Variants in WDHD1 observed in about 807,000 individuals in gnomAD.
WDHD1 encodes WD repeat and HMG-box DNA binding protein 1, also known as WD repeat and HMG-box DNA-binding protein 1.
WDHD1 carries 111 observed loss-of-function variants against 135.4 expected under a neutral mutation model. The observed-to-expected ratio is 0.82, with a 90% confidence interval of 0.70 to 0.96. The LOEUF is 0.96. Ranked by LOEUF, WDHD1 falls within the 40% of genes least tolerant of loss-of-function variation. WDHD1 has a pLI of 0.00. For synonymous variants in WDHD1, 434 were observed against 439.0 expected (o/e 0.99, Z 0.14); for missense variants, 1,351 against 1,336.3 (o/e 1.01, Z -0.17).
chr14:54,950,470 C>G (rs931544957), intron 24 of WDHD1, among the ~76,000 whole-genome samples: 6 of 152,014 alleles, frequency 3.9e-5, no homozygotes, highest in African/African-American at 1.5e-4. Context: ...ATATATGCAC[C>G]CAATACAGGA....
chr14:54,955,757 C>A, intron 23 of WDHD1, 63 bp from the exon 24 acceptor site: 1 of 1,291,782 alleles, frequency 7.7e-7, no homozygotes, highest in Non-Finnish European at 1.0e-6. Flanking sequence ...TTTATAAGCA[C>A]GTTCTGAAAA....
intron 16 of WDHD1, among the ~76,000 whole-genome samples, chr14:54,974,083 G>A (rs1171920722): frequency 6.7e-6 from 1 of 149,976 alleles, no homozygotes; most frequent in Non-Finnish European, 1.5e-5. Flanking sequence ...CCACCTGGAA[G>A]AGGAATTTAA....
chr14:54,968,438 G>C (rs1190105057), intron 16 of WDHD1, among the ~76,000 whole-genome samples: 1 of 151,146 alleles, frequency 6.6e-6, no homozygotes, highest in Non-Finnish European at 1.5e-5. Context: ...ATCTAACATT[G>C]CATCTAGGGA....
intron 16 of WDHD1, among the ~76,000 whole-genome samples, chr14:54,967,604 A>T (rs1009789472): frequency 6.6e-6 from 1 of 152,080 alleles, no homozygotes; most frequent in African/African-American, 2.4e-5. Context: ...GAATAGAAAA[A>T]TTCCTTCTCA....
At chr14:54,976,000 GA>G (rs2041518803) in intron 16 of WDHD1, among the ~76,000 whole-genome samples, 1 of 152,132 alleles carries the variant, frequency 6.6e-6, no homozygotes, top group Admixed American at 6.5e-5. Context: ...GAAATTCTGT[GA>G]AATGGGTACA....
Position 54,943,225 on chromosome 14 carries a change from C to G in WDHD1, c.3189+1107G>C, listed in dbSNP as rs114849309. Among the ~76,000 whole-genome samples, 1,249 of 152,222 alleles carry G rather than the reference C, an allele frequency of 8.2e-3. 18 individuals are homozygous for G. Among genetic ancestry groups the G allele is most frequent in the African/African-American group, 0.029 (1,199 of 41,526 alleles). ...TGGCAGAAGTTTATCAGAAGCAAGC[C>G]AGCCACCTGTCCTAATTTCCATGTG... On this transcript the variant is annotated intron_variant, in intron 25 of 25. Transcript: ENST00000360586.
rs1284928121 is a variant in WDHD1, at chr14:54,938,995, A to T, written c.*2495T>A. 6.6e-6 allele frequency: 1 copy of T among 152,138 alleles called. No individual in the cohort carries two copies. Among genetic ancestry groups the T allele is most frequent in the African/African-American group, 2.4e-5 (1 of 41,408 alleles). 9.4% of individuals were successfully genotyped at this position (152,138 alleles called of 1,614,324 possible). On this transcript the variant is annotated 3_prime_UTR_variant, in exon 26 of 26. Transcript: ENST00000360586. ...TTCTTAGGGTACATGCTGGGAACTG[A>T]GGGATGAAGTATATGCATATTCCAA...
At chr14:55,014,003 G>A (rs1180541153) in intron 2 of WDHD1, among the ~76,000 whole-genome samples, 2 of 152,120 alleles carry the variant, frequency 1.3e-5, no homozygotes, top group African/African-American at 4.8e-5. Context: ...ACATTAGCCA[G>A]TATTTTTTCT....
intron 11 of WDHD1, among the ~76,000 whole-genome samples, chr14:54,994,684 C>T (rs1165522776): frequency 6.6e-6 from 1 of 151,604 alleles, no homozygotes; most frequent in East Asian, 1.9e-4. Flanking sequence ...TCACTTGAAT[C>T]CAGGAGGCGG....
intron 14 of WDHD1, among the ~76,000 whole-genome samples, chr14:54,986,156 C>T (rs781525190): frequency 6.6e-6 from 1 of 152,078 alleles, no homozygotes; most frequent in African/African-American, 2.4e-5. Context: ...TCTCAAACTG[C>T]ATATTTTGAC....
intron 18 of WDHD1, 52 bp downstream of exon 18, chr14:54,966,423 C>A (rs2041345761): frequency 1.3e-6 from 2 of 1,551,464 alleles, no homozygotes; most frequent in South Asian, 1.2e-5. Flanking sequence ...AGAAATTCAA[C>A]CTATAGAAAA....
chr14:54,965,713 T>C (rs2041329345), intron 18 of WDHD1, among the ~76,000 whole-genome samples: 1 of 152,122 alleles, frequency 6.6e-6, no homozygotes, highest in Non-Finnish European at 1.5e-5. Flanking sequence ...CCCAGCACTT[T>C]CGGAGGCCGA....
chr14:54,947,137 C>A (rs1471158829), intron 24 of WDHD1, among the ~76,000 whole-genome samples: 1 of 151,866 alleles, frequency 6.6e-6, no homozygotes, highest in African/African-American at 2.4e-5. Flanking sequence ...GTCAGGAGTT[C>A]AAGACCAGCC....
intron 25 of WDHD1, among the ~76,000 whole-genome samples, chr14:54,942,206 A>ACG (rs1364267539): frequency 6.6e-6 from 1 of 152,034 alleles, no homozygotes; most frequent in Non-Finnish European, 1.5e-5. Context: ...AGCTGAGATC[A>ACG]CGCCACTGCA....
chr14:54,941,278 G>A lies in WDHD1; in HGVS notation c.*212C>T. 2.5e-6 allele frequency: 1 copy of A among 397,734 alleles called. No homozygotes were observed. The highest frequency in any genetic ancestry group is 4.4e-6 in the Non-Finnish European group (1 of 228,052). 24.6% of individuals were successfully genotyped at this position (397,734 alleles called of 1,614,324 possible). A position where few individuals can be genotyped will look rare whatever the true frequency, so the allele number is the denominator to read the frequency against. The stretch of plus-strand genomic sequence containing the variant: ...TCACAATGCATCTCTGAAAGGCCCT[G>A]CATTTGGAGGCAGAGTAATCTGCAA... On this transcript the variant is annotated 3_prime_UTR_variant, in exon 26 of 26. Coordinates refer to ENST00000360586, the MANE Select transcript of WDHD1 (RefSeq NM_007086.4).
intron 1 of WDHD1, 37 bp downstream of exon 1, chr14:55,026,991 T>C: frequency 1.7e-6 from 1 of 571,760 alleles, no homozygotes; most frequent in Non-Finnish European, 3.1e-6. Flanking sequence ...AACACGCATC[T>C]CCTTGGTGGA....
intron 2 of WDHD1, among the ~76,000 whole-genome samples, chr14:55,025,954 G>A (rs946117611): frequency 6.6e-6 from 1 of 152,182 alleles, no homozygotes; most frequent in Non-Finnish European, 1.5e-5. Flanking sequence ...AGCCTTCCCT[G>A]ACTCCTTTAA....
chr14:54,956,266 T>C (rs961966927), intron 23 of WDHD1, among the ~76,000 whole-genome samples: 1 of 152,096 alleles, frequency 6.6e-6, no homozygotes, highest in Non-Finnish European at 1.5e-5. Context: ...GTGATTTTAA[T>C]AAAAATACAG....
intron 24 of WDHD1, among the ~76,000 whole-genome samples, chr14:54,949,433 G>A (rs141419326): frequency 0.065 from 9,894 of 152,164 alleles, 479 homozygotes; most frequent in Non-Finnish European, 0.099. Flanking sequence ...GAAATGAAGC[G>A]AGAAGAAAAG....
Sources: allele counts gnomAD v4.1 joint callset (sites outside exome capture counted in the v4.1 genomes callset), GRCh38; gene constraint gnomAD v4.1.1; transcripts MANE v1.5; gene names NCBI Gene and HGNC (gene_info 2026-07-23, HGNC 2026-07-21).